Variants in THADA observed in about 807,000 individuals in gnomAD.
THADA encodes tRNA (32-2'-O)-methyltransferase regulator THADA.
Under a neutral mutation model 219.8 loss-of-function variants are expected in THADA, and 213 were observed. The ratio of observed to expected loss-of-function variants is 0.97; its 90% CI spans 0.87 to 1.09. The LOEUF (loss-of-function observed/expected upper bound fraction) is 1.09. THADA is among the 50% of genes least tolerant of loss of function. The pLI is 0.00. For synonymous variants in THADA, 1,018 were observed against 828.9 expected (o/e 1.23, Z -3.92); for missense variants, 2,956 against 2,311.3 (o/e 1.28, Z -5.72).
intron 29 of THADA, among the ~76,000 whole-genome samples, chr2:43,395,318 C>T (rs75147187): frequency 0.014 from 2,080 of 152,284 alleles, 56 homozygotes; most frequent in African/African-American, 0.047. Context: ...TTTGAAGAAG[C>T]AGCAGAGTCT....
intron 26 of THADA, among the ~76,000 whole-genome samples, chr2:43,483,791 T>A (rs1686541432): frequency 6.6e-6 from 1 of 151,396 alleles, no homozygotes; most frequent in South Asian, 2.1e-4. Context: ...AAGAATCACT[T>A]CATAAAAAAC....
chr2:43,469,914 T>C (rs1684702028), intron 26 of THADA, among the ~76,000 whole-genome samples: 2 of 152,158 alleles, frequency 1.3e-5, no homozygotes, highest in African/African-American at 4.8e-5. Flanking sequence ...AAAAATGTTT[T>C]TCAAGAAATC....
chr2:43,307,378 G>A (rs1676985074), intron 31 of THADA, among the ~76,000 whole-genome samples: 1 of 152,242 alleles, frequency 6.6e-6, no homozygotes, highest in Non-Finnish European at 1.5e-5. Context: ...GAGATCTGTA[G>A]ACCAAGGGAC....
chr2:43,344,759 G>GTTTTTTTTTTTTTT (rs1242915350), intron 29 of THADA, among the ~76,000 whole-genome samples: 3 of 149,324 alleles, frequency 2.0e-5, no homozygotes, highest in African/African-American at 2.5e-5. Flanking sequence ...ACTATTTAGG[G>GTTTTTTTTTTTTTT]TTTTTTTTGT....
At chr2:43,357,668 T>G (rs760223104) in intron 29 of THADA, among the ~76,000 whole-genome samples, 8 of 152,184 alleles carry the variant, frequency 5.3e-5, no homozygotes, top group Non-Finnish European at 1.2e-4. Context: ...CCTACATATA[T>G]CCTGTCATGT....
intron 28 of THADA, among the ~76,000 whole-genome samples, chr2:43,423,716 T>C (rs13390794): frequency 0.044 from 6,631 of 152,250 alleles, 515 homozygotes; most frequent in African/African-American, 0.15. Flanking sequence ...TAAGCTCTCC[T>C]GGGCCTTTGT....
intron 29 of THADA, among the ~76,000 whole-genome samples, chr2:43,385,282 T>C (rs1442882548): frequency 6.6e-6 from 1 of 152,066 alleles, no homozygotes; most frequent in South Asian, 2.1e-4. Context: ...ACAAGTTAGA[T>C]ATAAAAATGA....
chr2:43,322,926 T>A (rs911820341), intron 30 of THADA, among the ~76,000 whole-genome samples: 1 of 152,080 alleles, frequency 6.6e-6, no homozygotes, highest in Admixed American at 6.5e-5. Flanking sequence ...GACCTCGTGA[T>A]CCACCTGCCT....
At chr2:43,316,373 G>C (rs1483094006) in intron 31 of THADA, among the ~76,000 whole-genome samples, 2 of 152,080 alleles carry the variant, frequency 1.3e-5, no homozygotes, top group African/African-American at 4.8e-5. Context: ...GAGGCTAGCA[G>C]GTCTGATGAA....
At chr2:43,595,465 G>A (rs528675244) in intron 1 of THADA, among the ~76,000 whole-genome samples, 30 of 152,330 alleles carry the variant, frequency 2.0e-4, no homozygotes, top group Non-Finnish European at 2.8e-4. Flanking sequence ...AAGCAAGTTT[G>A]CAGGAGGATT....
chr2:43,587,562 A>G (rs1701152833), intron 4 of THADA, among the ~76,000 whole-genome samples: 1 of 152,114 alleles, frequency 6.6e-6, no homozygotes, highest in Non-Finnish European at 1.5e-5. Flanking sequence ...ATACCCAGCA[A>G]TCACTGCCTC....
At chr2:43,549,181 A>T in intron 20 of THADA, 29 bp downstream of exon 20, 2 of 1,513,952 alleles carry the variant, frequency 1.3e-6, no homozygotes, top group Non-Finnish European at 1.8e-6. Flanking sequence ...CTTAAACATG[A>T]ATTACAGTAT....
Position 43,556,372 on chromosome 2 carries a change from C to T in THADA, c.2647G>A (p.Ala883Thr). 1 of 1,613,856 alleles carries T rather than the reference C, an allele frequency of 6.2e-7. No homozygotes were observed. The highest frequency in any genetic ancestry group is 2.2e-5 in the East Asian group (1 of 44,874). Residue 883 changes from alanine to threonine, a missense_variant, in exon 17 of 38, where the codon GCT (alanine) becomes ACT (threonine). Physicochemically the swap from Ala to Thr is moderately conservative, Grantham distance 58. Coordinates refer to ENST00000405975, the MANE Select transcript of THADA (RefSeq NM_022065.5). ...ATTAATGTGTTCCTTTCCACCACAGCAGCAGGCCTATCTCCATTATCACAT... is the reference window on the plus strand; with the variant it reads ...ATTAATGTGTTCCTTTCCACCACAGTAGCAGGCCTATCTCCATTATCACAT... ...VACDNGDRPA[A>T]VVERNTLMVI...
rs112630954 is a variant in THADA at position 43,573,115 on chromosome 2, C to A, written c.1730-123G>T. The A allele has an allele frequency of 2.8e-3, 2,095 of 755,686 alleles. 24 individuals are homozygous for A. In the African/African-American group the frequency reaches 0.028, roughly 10 times the overall value. The allele number at this position is 755,686 out of a possible 1,614,324, so 46.8% of individuals were successfully genotyped here. On this transcript the variant is annotated intron_variant, in intron 11 of 37. Transcript: ENST00000405975. ...ATAAATAAAAATCACATTTTAAACT[C>A]ATTTCTAACACAAATTAAAGTTCCT... is the stretch of plus-strand genomic sequence containing the variant.
In THADA at chr2:43,571,791, C is replaced by T; in HGVS notation, c.1980G>A (p.Met660Ile). 1.2e-6 allele frequency: 2 copies of T among 1,613,908 alleles called. No individual in the cohort carries two copies. Among genetic ancestry groups the T allele is most frequent in the South Asian group, 1.1e-5 (1 of 91,072 alleles). The change falls in exon 13 of 38, where the codon ATG becomes ATA. Residue 660 changes from methionine to isoleucine, a missense_variant. Met to Ile is a conservative substitution (Grantham distance 10). Coordinates refer to ENST00000405975, the MANE Select transcript of THADA (RefSeq NM_022065.5). ...ATGTAATAAAGAACTGAATCCACTG[C>T]ATTTCTTCCATGGAAACAATTTCTG... ...RSTEIVSMEE[M>I]QWIQFFITYN...
intron 20 of THADA, among the ~76,000 whole-genome samples, chr2:43,548,280 G>T (rs1044660713): frequency 2.0e-5 from 3 of 152,218 alleles, no homozygotes; most frequent in African/African-American, 7.2e-5. Context: ...CCCCTACTGG[G>T]GGGTGCCTCC....
At chr2:43,504,286 A>G (rs530589794) in intron 24 of THADA, among the ~76,000 whole-genome samples, 9 of 152,312 alleles carry the variant, frequency 5.9e-5, no homozygotes, top group South Asian at 2.1e-4. Context: ...TTTCATATCT[A>G]TGGGTACTGG....
intron 15 of THADA, chr2:43,562,630 A>G (rs1044871698): frequency 6.6e-6 from 1 of 152,112 alleles, no homozygotes; most frequent in Non-Finnish European, 1.5e-5. Context: ...CTTCTCTCCA[A>G]TTTTTTGAAA....
At chr2:43,248,152 TATATATATATATAGAGAGAG>T (rs1312235699) in intron 36 of THADA, among the ~76,000 whole-genome samples, 182 of 89,326 alleles carry the variant, frequency 2.0e-3, no homozygotes, top group African/African-American at 6.1e-3. Flanking sequence ...TATATATATA[TATATATATATATAGAGAGAG>T]AGAGAGAGAG....
Sources: allele counts gnomAD v4.1 joint callset (sites outside exome capture counted in the v4.1 genomes callset), GRCh38; gene constraint gnomAD v4.1.1; transcripts MANE v1.5; gene names NCBI Gene and HGNC (gene_info 2026-07-23, HGNC 2026-07-21).